Variants in PRPF8 observed in about 807,000 individuals in gnomAD.
The protein encoded by PRPF8 is pre-mRNA processing factor 8.
PRPF8 carries 64 observed loss-of-function variants against 285.9 expected under a neutral mutation model. The observed-to-expected ratio is 0.22, with a 90% CI of 0.18 to 0.28. The LOEUF is 0.28. PRPF8 is among the 10% of genes least tolerant of loss of function. PRPF8 has a pLI of 1.00. For missense variants in PRPF8, 1,426 were observed against 3,026.7 expected (o/e 0.47, Z 12.41); for synonymous variants, 1,325 against 1,118.2 (o/e 1.18, Z -3.69).
In PRPF8 at chr17:1,675,547, C is replaced by T; in HGVS notation, c.2872+73G>A. The T allele has an allele frequency of 6.3e-7, 1 of 1,585,362 alleles. No homozygotes were observed. The highest frequency in any genetic ancestry group is 8.7e-7 in the Non-Finnish European group (1 of 1,154,642). ...TCAAGAGAGTAAACCAATCATGCTA[C>T]CCAGATGAGATTTTTGACGTAGAAC... On this transcript the variant is annotated intron_variant, in intron 19 of 42. Coordinates refer to ENST00000304992, the MANE Select transcript of PRPF8 (RefSeq NM_006445.4). The surrounding 1 kb of genome is among the most constrained non-coding windows in gnomAD (Gnocchi z 6.0).
At position 1,650,779 on chromosome 17, in the gene PRPF8, T is replaced by G; in HGVS notation, c.*23A>C. ...GGCTGAGGCTTCGGCCTCGGGAGGC[T>G]GAAGCAGGAGGCAGGGAAACGGTCA... On this transcript the variant is annotated 3_prime_UTR_variant, in exon 43 of 43. Coordinates refer to ENST00000304992, the MANE Select transcript of PRPF8 (RefSeq NM_006445.4). 6.2e-7 allele frequency: 1 copy of G among 1,613,250 alleles called. No homozygotes were observed. The highest frequency in any genetic ancestry group is 8.5e-7 in the Non-Finnish European group (1 of 1,179,802).
At chr17:1,681,157 C>T in intron 6 of PRPF8, 103 bp from the exon 7 acceptor site, 2 of 1,258,714 alleles carry the variant, frequency 1.6e-6, no homozygotes, top group Non-Finnish European at 2.3e-6. Flanking sequence ...TCGTTCACTG[C>T]AGCCGTGACC....
At position 1,655,028 on chromosome 17, in the gene PRPF8, G is replaced by A. The variant is rs1444025672; in HGVS notation, c.5987+322C>T. On this transcript the variant is annotated intron_variant, in intron 37 of 42. Transcript: ENST00000304992. ...GGCTGGAGTGCAGTGGCATGATCTC[G>A]GCTCACTGCAACCTCTGCCCCCAGG... is the stretch of plus-strand genomic sequence containing the variant. The A allele has an allele frequency of 3.9e-5, 13 of 336,070 alleles. 1 individual carries two copies. The highest frequency in any genetic ancestry group is 1.1e-4 in the South Asian group (4 of 36,440). The allele number at this position is 336,070 out of a possible 1,614,324, so 20.8% of individuals were successfully genotyped here.
Position 1,653,192 on chromosome 17 carries a change from G to C in PRPF8, c.6369+350C>G. The C allele has an allele frequency of 2.4e-6, 1 of 417,032 alleles. No individual in the cohort carries two copies. Among genetic ancestry groups the C allele is most frequent in the East Asian group, 5.4e-5 (1 of 18,432 alleles). 25.8% of individuals were successfully genotyped at this position (417,032 alleles called of 1,614,324 possible). On this transcript the variant is annotated intron_variant, in intron 39 of 42. Coordinates refer to ENST00000304992, the MANE Select transcript of PRPF8 (RefSeq NM_006445.4). The surrounding 1 kb of genome is among the most constrained non-coding windows in gnomAD (Gnocchi z 4.9). ...TGACCTCAGGTGATCCACCCACCTAGGCCTCCCAAAGTGCTGGGATTATAG... is the reference window on the plus strand; with the variant it reads ...TGACCTCAGGTGATCCACCCACCTACGCCTCCCAAAGTGCTGGGATTATAG...
In PRPF8 at chr17:1,659,317, C is replaced by T. The variant is rs753665840; in HGVS notation, c.5138+40G>A. The T allele has an allele frequency of 9.3e-6, 15 of 1,611,076 alleles. No individual in the cohort carries two copies. The highest frequency in any genetic ancestry group is 2.2e-5 in the East Asian group (1 of 44,886). On this transcript the variant is annotated intron_variant, in intron 32 of 42. Transcript: ENST00000304992. The surrounding 1 kb of genome is among the most constrained non-coding windows in gnomAD (Gnocchi z 5.1). ...CTGGGATTACAGGTGTGAGCCACTGCGCCTGGCCTGAAAATACATGGTCCT... is the reference window on the plus strand; with the variant it reads ...CTGGGATTACAGGTGTGAGCCACTGTGCCTGGCCTGAAAATACATGGTCCT...
chr17:1,651,571 TACAGAGCTGAATCCCATCC>T lies in PRPF8; in HGVS notation c.6511-37_6511-19del. 1 of 1,613,702 alleles carries T rather than the reference TACAGAGCTGAATCCCATCC, an allele frequency of 6.2e-7. No individual in the cohort carries two copies. The highest frequency in any genetic ancestry group is 8.5e-7 in the Non-Finnish European group (1 of 1,179,938). ...TCCATCTCCTATAGGTAAAGAGGAG[TACAGAGCTGAATCCCATCC>T]ACAGACAGGAATCGCACCAGCTTTT... is the stretch of plus-strand genomic sequence containing the variant. On this transcript the variant is annotated intron_variant, in intron 40 of 42. Transcript: ENST00000304992. This position sits in a 1 kb window ranked among gnomAD's most constrained non-coding sequence, Gnocchi z 5.1.
In PRPF8 at chr17:1,673,689, C is replaced by G. The variant is rs1912450048; in HGVS notation, c.3446+57G>C. The G allele has an allele frequency of 1.2e-6, 2 of 1,612,936 alleles. No individual in the cohort carries two copies. The highest frequency in any genetic ancestry group is 1.7e-6 in the Non-Finnish European group (2 of 1,179,708). ...CCCAGGACGCAGCCTCAGGTATGCC[C>G]TCTCTGGGCCCTTAGCTTATGTCCT... On this transcript the variant is annotated intron_variant, in intron 22 of 42. Transcript: ENST00000304992. The surrounding 1 kb of genome is among the most constrained non-coding windows in gnomAD (Gnocchi z 5.5).
At chr17:1,654,327 G>T (rs975062361) in intron 37 of PRPF8, 5 of 534,970 alleles carry the variant, frequency 9.3e-6, no homozygotes, top group African/African-American at 7.6e-5. Context: ...AGAAACCCTA[G>T]AATACTGGTT....
At chr17:1,682,674 G>GA (rs776937172) in intron 3 of PRPF8, among the ~76,000 whole-genome samples, 4 of 152,188 alleles carry the variant, frequency 2.6e-5, no homozygotes, top group Non-Finnish European at 5.9e-5. Context: ...GCACACTGCA[G>GA]AAAGGCGGAG....
At chr17:1,683,747 T>A (rs1913067963) in intron 2 of PRPF8, 46 bp from the exon 3 acceptor site, 1 of 1,609,310 alleles carries the variant, frequency 6.2e-7, no homozygotes, top group South Asian at 1.1e-5. Context: ...CTCCCCCTAA[T>A]CCTCTTCACC....
At chr17:1,678,979 T>G (rs1912762209) in intron 11 of PRPF8, 38 bp downstream of exon 11, 1 of 1,613,808 alleles carries the variant, frequency 6.2e-7, no homozygotes, top group Non-Finnish European at 8.5e-7. Flanking sequence ...CTGTCCGTCC[T>G]TGAAGCCCAG....
intron 24 of PRPF8, among the ~76,000 whole-genome samples, chr17:1,665,061 G>A (rs996930979): frequency 6.6e-6 from 1 of 151,232 alleles, no homozygotes; most frequent in Admixed American, 6.6e-5. Context: ...TTGGGAGGCT[G>A]AGGCAGGAGA....
At chr17:1,662,497 G>A (rs992017634) in intron 24 of PRPF8, among the ~76,000 whole-genome samples, 2 of 151,978 alleles carry the variant, frequency 1.3e-5, no homozygotes, top group African/African-American at 4.8e-5. Context: ...GCTGAGGCAA[G>A]AGAATCGCTT....
In PRPF8 at chr17:1,651,050, C is replaced by G; in HGVS notation, c.6853+58G>C. On this transcript the variant is annotated intron_variant, in intron 42 of 42. Transcript: ENST00000304992. This position sits in a 1 kb window ranked among gnomAD's most constrained non-coding sequence, Gnocchi z 5.1. ...CCAGCCAGGCCCCAAGTGCAAAGGG[C>G]GATGGCCTCACCTTATCCCTACTGC... 6.2e-7 allele frequency: 1 copy of G among 1,613,554 alleles called. No individual in the cohort carries two copies. The highest frequency in any genetic ancestry group is 8.5e-7 in the Non-Finnish European group (1 of 1,179,484).
Position 1,681,603 on chromosome 17 carries a change from T to C in PRPF8, c.741A>G (p.Thr247=), listed in dbSNP as rs776242766. ...AGAAGTAGTTGTCATCCACCAAGTC[T>C]GTCAGGAGCTGATTAGCCAGGCGGT... ...TLYRLANQLL[T]DLVDDNYFYL... The change falls in exon 6 of 43, where the codon ACA becomes ACG. Residue 247 remains threonine, a synonymous_variant. Coordinates refer to ENST00000304992, the MANE Select transcript of PRPF8 (RefSeq NM_006445.4). 3 of 1,614,050 alleles carry C rather than the reference T, an allele frequency of 1.9e-6. No homozygotes were observed. The highest frequency in any genetic ancestry group is 2.5e-6 in the Non-Finnish European group (3 of 1,179,958).
chr17:1,674,737 G>C lies in PRPF8; in HGVS notation c.3061-57C>G, dbSNP rs940476259. 5.6e-5 allele frequency: 87 copies of C among 1,550,150 alleles called. 1 individual carries two copies. The Admixed American group carries it at 1.5e-3, about 26-fold the overall frequency. ...GTGAGCCATGCCCCAGGATTCTCCA[G>C]AGTTAACCTCTTTTGTTCTCCCCTC... On this transcript the variant is annotated intron_variant, in intron 20 of 42. Coordinates refer to ENST00000304992, the MANE Select transcript of PRPF8 (RefSeq NM_006445.4).
rs888488180 is a variant in PRPF8 at position 1,651,900 on chromosome 17, A to T, written c.6370-112T>A. On this transcript the variant is annotated intron_variant, in intron 39 of 42. Coordinates refer to ENST00000304992, the MANE Select transcript of PRPF8 (RefSeq NM_006445.4). This position sits in a 1 kb window ranked among gnomAD's most constrained non-coding sequence, Gnocchi z 5.1. Reference sequence around the variant, plus strand: ...CAAGAACGAGGACAGAGTTTCTTAAAACGTGATCAGAACCCCCTGTATCAG... The same window carrying T: ...CAAGAACGAGGACAGAGTTTCTTAATACGTGATCAGAACCCCCTGTATCAG... 1.3e-5 allele frequency: 18 copies of T among 1,374,046 alleles called. No homozygotes were observed. The highest frequency in any genetic ancestry group is 1.7e-5 in the Non-Finnish European group (17 of 973,474). 85.1% of individuals were successfully genotyped at this position (1,374,046 alleles called of 1,614,324 possible).
At position 1,658,878 on chromosome 17, in the gene PRPF8, G is replaced by T; in HGVS notation, c.5139-115C>A. 1.1e-6 allele frequency: 1 copy of T among 903,142 alleles called. No homozygotes were observed. Among genetic ancestry groups the T allele is most frequent in the Non-Finnish European group, 1.8e-6 (1 of 549,526 alleles). 55.9% of individuals were successfully genotyped at this position (903,142 alleles called of 1,614,324 possible). Reference sequence around the variant, plus strand: ...CTGTTCGCCAGGCTGACAACACTCTGCTCATGTGTACATACAGGCTGGAGA... The same window carrying T: ...CTGTTCGCCAGGCTGACAACACTCTTCTCATGTGTACATACAGGCTGGAGA... On this transcript the variant is annotated intron_variant, in intron 32 of 42. Transcript: ENST00000304992. The surrounding 1 kb of genome is among the most constrained non-coding windows in gnomAD (Gnocchi z 4.1).
In PRPF8 at chr17:1,673,713, C is replaced by T; in HGVS notation, c.3446+33G>A. On this transcript the variant is annotated intron_variant, in intron 22 of 42. Coordinates refer to ENST00000304992, the MANE Select transcript of PRPF8 (RefSeq NM_006445.4). This position sits in a 1 kb window ranked among gnomAD's most constrained non-coding sequence, Gnocchi z 5.5. ...CCTCTCTGGGCCCTTAGCTTATGTCCTTCCAGCTCACACAGCCCCAACCTA... is the reference window on the plus strand; with the variant it reads ...CCTCTCTGGGCCCTTAGCTTATGTCTTTCCAGCTCACACAGCCCCAACCTA... The T allele has an allele frequency of 6.2e-7, 1 of 1,613,642 alleles. No homozygotes were observed. The highest frequency in any genetic ancestry group is 1.8e-4 in the Middle Eastern group (1 of 5,682).
Sources: allele counts gnomAD v4.1 joint callset (sites outside exome capture counted in the v4.1 genomes callset), GRCh38; gene constraint gnomAD v4.1.1; non-coding constraint Gnocchi (gnomAD v3.1); transcripts MANE v1.5; gene names NCBI Gene and HGNC (gene_info 2026-07-23, HGNC 2026-07-21).